TASP1: variants seen among roughly 807,000 people sequenced by gnomAD.
The protein encoded by TASP1 is threonine aspartase 1.
TASP1 carries 16 observed loss-of-function variants against 56.6 expected under a neutral mutation model. The ratio of observed to expected loss-of-function variants is 0.28; its 90% CI spans 0.19 to 0.43. TASP1 has a LOEUF of 0.43. Ranked by LOEUF, TASP1 falls within the 20% of genes least tolerant of loss-of-function variation. The pLI, the probability that TASP1 is intolerant of heterozygous loss-of-function variation, is 1.00. For synonymous variants in TASP1, 179 were observed against 184.2 expected, an observed-to-expected ratio of 0.97 and a Z score of 0.23; for missense variants, 393 against 511.6, an observed-to-expected ratio of 0.77 and a Z score of 2.24.
At chr20:13,603,310 G>T (rs1450435569) in intron 4 of TASP1, among the ~76,000 whole-genome samples, 4 of 152,036 alleles carry the variant, frequency 2.6e-5, no homozygotes, top group African/African-American at 9.7e-5. Context: ...AGCCAAGGTG[G>T]GCAGACAGCT....
At chr20:13,595,927 T>C (rs1359273484) in intron 4 of TASP1, among the ~76,000 whole-genome samples, 1 of 152,184 alleles carries the variant, frequency 6.6e-6, no homozygotes, top group African/African-American at 2.4e-5. Flanking sequence ...ATATACATTC[T>C]TCCCAGCACC....
At chr20:13,345,213 T>C in the TASP1 span, among the ~76,000 whole-genome samples, 1 of 152,228 alleles carries the variant, frequency 6.6e-6, no homozygotes, top group Non-Finnish European at 1.5e-5. Context: ...CCTGACCCAA[T>C]TATTTTTACT....
At chr20:13,207,648 G>C in the TASP1 span, among the ~76,000 whole-genome samples, 1 of 152,186 alleles carries the variant, frequency 6.6e-6, no homozygotes, top group Non-Finnish European at 1.5e-5. Context: ...CAGGCAGAGA[G>C]AGCAAATTCT....
At chr20:13,299,297 C>A in the TASP1 span, 1 of 1,613,212 alleles carries the variant, frequency 6.2e-7, no homozygotes, top group Non-Finnish European at 8.5e-7. The surrounding 1 kb of genome is among the most constrained non-coding windows in gnomAD (Gnocchi z 5.8). Context: ...CCGAGTTCTC[C>A]GCGGAGCTCC....
the TASP1 span, among the ~76,000 whole-genome samples, chr20:13,145,671 C>G: frequency 3.9e-5 from 6 of 152,130 alleles, no homozygotes; most frequent in East Asian, 9.7e-4. Context: ...AAAAAGAGCA[C>G]AAATAGCCAA....
the TASP1 span, chr20:13,159,886 T>TAGAAAAG: frequency 7.3e-7 from 1 of 1,363,440 alleles, no homozygotes; most frequent in Non-Finnish European, 9.8e-7. Context: ...CTTATTATCA[T>TAGAAAAG]AAAAAAGAAA....
chr20:13,401,923 A>G (rs2041752712), intron 13 of TASP1, among the ~76,000 whole-genome samples: 2 of 152,226 alleles, frequency 1.3e-5, no homozygotes, highest in African/African-American at 4.8e-5. Context: ...AGTTAGGTTC[A>G]CATCTGTGAC....
the TASP1 span, among the ~76,000 whole-genome samples, chr20:13,316,007 G>A: frequency 4.0e-5 from 6 of 151,818 alleles, no homozygotes; most frequent in African/African-American, 1.4e-4. Flanking sequence ...GTGCTTAAAG[G>A]GAAACTCTGA....
chr20:13,438,175 A>G (rs2043078763), intron 11 of TASP1, among the ~76,000 whole-genome samples: 2 of 152,160 alleles, frequency 1.3e-5, no homozygotes, highest in Admixed American at 6.5e-5. Flanking sequence ...ATATGGAACC[A>G]AAAAGGAGCC....
At chr20:13,429,873 G>T (rs2042746271) in intron 12 of TASP1, among the ~76,000 whole-genome samples, 1 of 151,890 alleles carries the variant, frequency 6.6e-6, no homozygotes, top group Admixed American at 6.6e-5. Context: ...TCTCATTTTT[G>T]CCCTTTCTTC....
chr20:13,552,713 C>A (rs1374772612), intron 8 of TASP1, among the ~76,000 whole-genome samples: 1 of 152,108 alleles, frequency 6.6e-6, no homozygotes, highest in Non-Finnish European at 1.5e-5. Context: ...AAATTCACCA[C>A]CACATAGAAA....
At chr20:13,418,913 C>T (rs1036855193) in intron 12 of TASP1, among the ~76,000 whole-genome samples, 1 of 152,162 alleles carries the variant, frequency 6.6e-6, no homozygotes, top group Admixed American at 6.6e-5. Flanking sequence ...TTGAACTCTT[C>T]AAAAATGCCA....
At chr20:13,304,444 G>A in the TASP1 span, among the ~76,000 whole-genome samples, 2 of 152,118 alleles carry the variant, frequency 1.3e-5, no homozygotes, top group Admixed American at 6.5e-5. Context: ...TCTATAAATT[G>A]GGGTAAGTCC....
chr20:13,425,752 T>C (rs1355919854), intron 12 of TASP1, among the ~76,000 whole-genome samples: 1 of 152,152 alleles, frequency 6.6e-6, no homozygotes, highest in East Asian at 1.9e-4. Flanking sequence ...AACAGCCTCC[T>C]CTTATCACTG....
intron 6 of TASP1, among the ~76,000 whole-genome samples, chr20:13,579,761 A>G (rs2047054354): frequency 6.6e-6 from 1 of 152,214 alleles, no homozygotes; most frequent in African/African-American, 2.4e-5. Flanking sequence ...TATCAAAAAC[A>G]CATAATATTA....
chr20:13,362,261 C>T, the TASP1 span, among the ~76,000 whole-genome samples: 1 of 151,510 alleles, frequency 6.6e-6, no homozygotes, highest in African/African-American at 2.4e-5. Flanking sequence ...GAGCCCAAGC[C>T]AAGCCATCGC....
chr20:13,565,006 CAA>C lies in TASP1; in HGVS notation c.568+4499_568+4500del, dbSNP rs758976806. 7.1e-3 allele frequency among the ~76,000 whole-genome samples: 438 copies of C among 61,928 alleles called. 1 individual carries two copies. Among genetic ancestry groups the C allele is most frequent in the East Asian group, 0.022 (52 of 2,392 alleles). 40.6% of individuals were successfully genotyped at this position (61,928 alleles called of 152,430 possible). The stretch of plus-strand genomic sequence containing the variant: ...TGGGCAACAGAGTAAGACTCCATCT[CAA>C]AAAAAAAAAAAAAAAAATATGGAAA... On this transcript the variant is annotated intron_variant, in intron 7 of 13. Transcript: ENST00000337743.
At chr20:13,141,332 T>G in the TASP1 span, among the ~76,000 whole-genome samples, 1 of 152,158 alleles carries the variant, frequency 6.6e-6, no homozygotes, top group East Asian at 1.9e-4. Flanking sequence ...GTCTCTTCTC[T>G]AGGGAAGAGG....
chr20:13,269,934 A>AGGATGGATGGATGGATGGATGGAT, the TASP1 span, among the ~76,000 whole-genome samples: 12 of 149,910 alleles, frequency 8.0e-5, no homozygotes, highest in South Asian at 6.5e-4. Context: ...TGTGGGTGGA[A>AGGATGGATGGATGGATGGATGGAT]GGATGGATGG....
Sources: allele counts gnomAD v4.1 joint callset (sites outside exome capture counted in the v4.1 genomes callset), GRCh38; gene constraint gnomAD v4.1.1; non-coding constraint Gnocchi (gnomAD v3.1); transcripts MANE v1.5; gene names NCBI Gene and HGNC (gene_info 2026-07-23, HGNC 2026-07-21).